Variants in SLC6A12 observed in about 807,000 individuals in gnomAD.
SLC6A12 encodes the protein sodium- and chloride-dependent betaine transporter.
SLC6A12 carries 50 observed loss-of-function variants against 73.3 expected under a neutral mutation model. The observed-to-expected ratio is 0.68, with a 90% CI of 0.54 to 0.86. The LOEUF (loss-of-function observed/expected upper bound fraction) is 0.86. Ranked by LOEUF, SLC6A12 falls within the 40% of genes least tolerant of loss-of-function variation. The probability of loss-of-function intolerance (pLI) is 0.00; values close to 1 mark genes in which losing one functional copy is unlikely to be tolerated. For missense variants in SLC6A12, 648 were observed against 772.8 expected (o/e 0.84, Z 1.92); for synonymous variants, 304 against 309.2 (o/e 0.98, Z 0.18).
At position 195,285 on chromosome 12, in the gene SLC6A12, T is replaced by C; in HGVS notation, c.1369A>G (p.Ser457Gly). The C allele has an allele frequency of 1.2e-6, 2 of 1,611,326 alleles. No individual in the cohort carries two copies. The highest frequency in any genetic ancestry group is 1.7e-6 in the Non-Finnish European group (2 of 1,178,126). Reference protein sequence around the residue: ...IFQLFDYYASSGICLLFLSLF... With the variant: ...IFQLFDYYASGGICLLFLSLF... ...GACAGGAACAGCAGGCATATGCCAC[T>C]GGAAGCATAGTAGTCAAACAGCTGG... Residue 457 changes from serine to glycine, a missense_variant, in exon 13 of 16, where the codon AGT becomes GGT. By Grantham distance (56) the Ser-to-Gly change is moderately conservative. Transcript: ENST00000684302.
At chr12:186,074 G>A (rs1349434882), downstream of SLC6A12, among the ~76,000 whole-genome samples, 1 of 151,638 alleles carries the variant, frequency 6.6e-6, no homozygotes, top group African/African-American at 2.4e-5. Flanking sequence ...GTCAGGGGAG[G>A]GCTCTGGAGG....
At chr12:207,286 T>C (rs1016144972) in intron 3 of SLC6A12, among the ~76,000 whole-genome samples, 3 of 152,260 alleles carry the variant, frequency 2.0e-5, no homozygotes, top group African/African-American at 7.2e-5. Context: ...ACAGGGACCT[T>C]TACCGACACG....
At chr12:192,331 T>C in intron 15 of SLC6A12, 147 bp downstream of exon 15, 2 of 669,336 alleles carry the variant, frequency 3.0e-6, no homozygotes, top group Non-Finnish European at 2.5e-6. Context: ...TCTTCAAAGT[T>C]CGTCTCGTTA....
chr12:190,274 A>C lies in SLC6A12; in HGVS notation c.*794T>G, dbSNP rs1296070274. ...CCATGAAGTCAGGGGTTTGCGTTAG[A>C]AGCAGGATGGCAAATGGTGCTGCCT... is the stretch of plus-strand genomic sequence containing the variant. On this transcript the variant is annotated 3_prime_UTR_variant, in exon 16 of 16. Transcript: ENST00000684302. The C allele has an allele frequency of 6.6e-6, 1 of 152,172 alleles. No homozygotes were observed. The highest frequency in any genetic ancestry group is 1.5e-5 in the Non-Finnish European group (1 of 68,038). The allele number at this position is 152,172 out of a possible 1,614,324, so 9.4% of individuals were successfully genotyped here.
chr12:197,589 C>G lies in SLC6A12; in HGVS notation c.951-88G>C, dbSNP rs1297175219. On this transcript the variant is annotated intron_variant, in intron 9 of 15. Transcript: ENST00000684302. ...AGTCATGGGAGGAGAGGTCAAAAGA[C>G]AGTGAGAGGGGACCAAGGAGAGAGA... 2.9e-6 allele frequency: 4 copies of G among 1,383,062 alleles called. No homozygotes were observed. The African/African-American group carries it at 5.8e-5, about 20-fold the overall frequency. The allele number at this position is 1,383,062 out of a possible 1,614,324, so 85.7% of individuals were successfully genotyped here.
chr12:186,286 A>C (rs188427907), downstream of SLC6A12, among the ~76,000 whole-genome samples: 2,672 of 151,302 alleles, frequency 0.018, 48 homozygotes, highest in Middle Eastern at 0.096. Flanking sequence ...TTGACCCAAC[A>C]GAGAGCCCAC....
intron 15 of SLC6A12, among the ~76,000 whole-genome samples, chr12:192,228 G>A (rs568245298): frequency 2.6e-5 from 4 of 152,266 alleles, no homozygotes; most frequent in East Asian, 1.9e-4. Context: ...TTTGCCCTCC[G>A]TTAGCCTGCC....
chr12:197,800 A>C (rs1939996528), intron 9 of SLC6A12, 100 bp downstream of exon 9: 4 of 835,468 alleles, frequency 4.8e-6, no homozygotes, highest in East Asian at 5.1e-5. Flanking sequence ...ACGTATAATG[A>C]ATAAGGAAGG....
chr12:189,539 T>A (rs745825256), downstream of SLC6A12, among the ~76,000 whole-genome samples: 2 of 152,124 alleles, frequency 1.3e-5, no homozygotes, highest in Non-Finnish European at 2.9e-5. Context: ...ACCTGATTTC[T>A]CCTGCAGCCC....
intron 14 of SLC6A12, 116 bp from the exon 15 acceptor site, chr12:192,764 G>A (rs1655942902): frequency 1.0e-6 from 1 of 954,470 alleles, no homozygotes; most frequent in Non-Finnish European, 1.6e-6. Flanking sequence ...CGTCTGTAAG[G>A]TGGAAGAGTA....
intron 7 of SLC6A12, among the ~76,000 whole-genome samples, chr12:200,438 T>C (rs543652567): frequency 1.3e-5 from 2 of 152,368 alleles, no homozygotes; most frequent in South Asian, 4.1e-4. Context: ...AACCGGACTT[T>C]TAAAGTCATA....
downstream of SLC6A12, among the ~76,000 whole-genome samples, chr12:187,615 A>AAAAAAAAAAAAAAAAAC (rs1939457870): frequency 6.4e-5 from 1 of 15,536 alleles, no homozygotes. Flanking sequence ...AAAAAAAAAA[A>AAAAAAAAAAAAAAAAAC]AAAAAAAAAA....
At chr12:204,445 C>CGCAG in intron 4 of SLC6A12, 119 bp downstream of exon 4, 2 of 1,011,460 alleles carry the variant, frequency 2.0e-6, no homozygotes, top group Non-Finnish European at 3.0e-6. Flanking sequence ...CTGCACTTGG[C>CGCAG]GCAGGATATG....
chr12:189,284 A>G (rs1391032641), downstream of SLC6A12, among the ~76,000 whole-genome samples: 3 of 152,166 alleles, frequency 2.0e-5, no homozygotes, highest in African/African-American at 7.2e-5. Context: ...GCGGCCGCAG[A>G]CAGCGCTGCG....
rs750650510 is a variant in SLC6A12, at chr12:209,805, C to T, written c.182G>A (p.Arg61Lys). 6.2e-7 allele frequency: 1 copy of T among 1,614,240 alleles called. No homozygotes were observed. Among genetic ancestry groups the T allele is most frequent in the East Asian group, 2.2e-5 (1 of 44,886 alleles). ...GEIIGLGNVW[R>K]FPYLCYKNGG... Reference sequence around the variant, plus strand: ...GTTTTTGTAGCAGAGATAGGGAAACCTCCAGACATTGCCCAGCCCAATGAT... The same window carrying T: ...GTTTTTGTAGCAGAGATAGGGAAACTTCCAGACATTGCCCAGCCCAATGAT... The change falls in exon 3 of 16, where the codon AGG becomes AAG. Residue 61 changes from arginine (R) to lysine (K), a missense_variant. Arg to Lys is a conservative substitution (Grantham distance 26). Transcript: ENST00000684302.
Position 198,841 on chromosome 12 carries a change from T to C in SLC6A12, c.802A>G (p.Ile268Val), listed in dbSNP as rs749942377. The C allele has an allele frequency of 3.1e-6, 5 of 1,614,228 alleles. No homozygotes were observed. The highest frequency in any genetic ancestry group is 4.2e-6 in the Non-Finnish European group (5 of 1,180,034). ...AACAAATCTGGCTTCAAGTAGTAGA[T>C]GATGCCCTGGTAGGCTCCGGGAAGG... The part of the protein sequence containing the change: ...VTLPGAYQGI[I>V]YYLKPDLFRL... Residue 268 changes from isoleucine (I) to valine (V), a missense_variant, in exon 8 of 16, where the codon ATC becomes GTC. By Grantham distance (29) the Ile-to-Val change is conservative. Coordinates refer to ENST00000684302, the MANE Select transcript of SLC6A12 (RefSeq NM_001122848.3). This position sits in a 1 kb window ranked among gnomAD's most constrained non-coding sequence, Gnocchi z 4.0.
At chr12:186,559 C>T (rs1202155835), downstream of SLC6A12, among the ~76,000 whole-genome samples, 3 of 152,204 alleles carry the variant, frequency 2.0e-5, no homozygotes, top group African/African-American at 4.8e-5. Context: ...CCACTAGAAG[C>T]CTTGGCCAGC....
At chr12:188,781 C>T (rs1442946388), downstream of SLC6A12, among the ~76,000 whole-genome samples, 1 of 151,808 alleles carries the variant, frequency 6.6e-6, no homozygotes, top group African/African-American at 2.4e-5. Flanking sequence ...ACAGTTGCTC[C>T]TTGCCCAGGT....
Position 196,187 on chromosome 12 carries a change from G to C in SLC6A12, c.1263C>G (p.Arg421=). 1.3e-6 allele frequency: 2 copies of C among 1,583,922 alleles called. No homozygotes were observed. The highest frequency in any genetic ancestry group is 1.7e-6 in the Non-Finnish European group (2 of 1,166,048). The change falls in exon 12 of 16, where the codon CGC becomes CGG. Residue 421 remains arginine (R), a synonymous_variant. Transcript: ENST00000684302. ...FPRQLRKSGR[R]ELLILTIAVM... Reference sequence around the variant, plus strand: ...CGGCGATGGTGAGGATGAGGAGCTCGCGCCGCCCGCTCTTCCGGAGCTGCC... The same window carrying C: ...CGGCGATGGTGAGGATGAGGAGCTCCCGCCGCCCGCTCTTCCGGAGCTGCC...
Sources: allele counts gnomAD v4.1 joint callset (sites outside exome capture counted in the v4.1 genomes callset), GRCh38; gene constraint gnomAD v4.1.1; non-coding constraint Gnocchi (gnomAD v3.1); transcripts MANE v1.5; gene names NCBI Gene and HGNC (gene_info 2026-07-23, HGNC 2026-07-21).